The following ZNF780B variants were observed in gnomAD, a reference collection of about 807,000 sequenced individuals.
The protein encoded by ZNF780B is zinc finger protein 780B.
Under a neutral mutation model 74.1 loss-of-function variants are expected in ZNF780B, and 52 were observed. That is an observed-to-expected ratio of 0.70 (90% CI 0.56 to 0.88). ZNF780B has a LOEUF of 0.88. Ranked by LOEUF, ZNF780B falls within the 40% of genes least tolerant of loss-of-function variation. ZNF780B has a pLI of 0.00. For missense variants in ZNF780B, 953 were observed against 1,007.6 expected (o/e 0.95, Z 0.73); for synonymous variants, 315 against 324.3 (o/e 0.97, Z 0.31).
chr19:40,035,487 A>G lies in ZNF780B; in HGVS notation c.1372T>C (p.Tyr458His), dbSNP rs1326380767. The G allele has an allele frequency of 4.3e-6, 7 of 1,614,120 alleles. No homozygotes were observed. The highest frequency in any genetic ancestry group is 2.2e-5 in the East Asian group (1 of 44,874). ...RECEMAFRYH[Y>H]QLIQHCQIHT... ...ATTTGGCAATGTTGAATAAGTTGGTAATGATATCGAAAGGCCATCTCACAT... is the reference window on the plus strand; with the variant it reads ...ATTTGGCAATGTTGAATAAGTTGGTGATGATATCGAAAGGCCATCTCACAT... Residue 458 changes from tyrosine to histidine, a missense_variant, in exon 5 of 5, where the codon TAC (tyrosine) becomes CAC (histidine). Physicochemically the swap from Tyr to His is moderately conservative, Grantham distance 83. Coordinates refer to ENST00000434248, the MANE Select transcript of ZNF780B (RefSeq NM_001005851.3).
chr19:40,045,561 G>C (rs1428886225), intron 4 of ZNF780B, among the ~76,000 whole-genome samples: 1 of 152,144 alleles, frequency 6.6e-6, no homozygotes, highest in Non-Finnish European at 1.5e-5. Context: ...CAAAGGTATG[G>C]AATCAACCTA....
chr19:40,048,642 C>A, intron 3 of ZNF780B, 28 bp downstream of exon 3: 1 of 1,614,064 alleles, frequency 6.2e-7, no homozygotes, highest in Non-Finnish European at 8.5e-7. Flanking sequence ...AGAACAGATA[C>A]AAAAATAACT....
intron 2 of ZNF780B, chr19:40,049,080 A>C: frequency 2.6e-6 from 1 of 381,402 alleles, no homozygotes; most frequent in East Asian, 5.5e-5. Context: ...AAAAAGAAAG[A>C]AAGAAAGAAC....
rs1972311273 is a variant in ZNF780B at position 40,036,327 on chromosome 19, A to T, written c.532T>A (p.Ser178Thr). The T allele has an allele frequency of 6.2e-7, 1 of 1,613,892 alleles. No individual in the cohort carries two copies. Among genetic ancestry groups the T allele is most frequent in the Non-Finnish European group, 8.5e-7 (1 of 1,179,946 alleles). ...ATACTCTGATGCTGAATAAGATTTGAACCACAACTAAAGTATTTCCCACAT... is the reference window on the plus strand; with the variant it reads ...ATACTCTGATGCTGAATAAGATTTGTACCACAACTAAAGTATTTCCCACAT... ...KECGKYFSCG[S>T]NLIQHQSIHT... The change falls in exon 5 of 5, where the codon TCA becomes ACA. Residue 178 changes from serine (S) to threonine (T), a missense_variant. By Grantham distance (58) the Ser-to-Thr change is moderately conservative. Transcript: ENST00000434248.
rs1267556217 is a variant in ZNF780B at position 40,036,516 on chromosome 19, C to T, written c.343G>A (p.Ala115Thr). ...TCTGAGTCATTTCTAAAATAAAAGG[C>T]CTCGAGGCCAAGTGTTTTACTTATT... ...KQISKTLGLE[A>T]FYFRNDSEYR... The change falls in exon 5 of 5, where the codon GCC (alanine) becomes ACC (threonine). Residue 115 changes from alanine to threonine, a missense_variant. Ala to Thr is a moderately conservative substitution (Grantham distance 58). Coordinates refer to ENST00000434248, the MANE Select transcript of ZNF780B (RefSeq NM_001005851.3). 1 of 1,606,708 alleles carries T rather than the reference C, an allele frequency of 6.2e-7. No homozygotes were observed. The highest frequency in any genetic ancestry group is 8.5e-7 in the Non-Finnish European group (1 of 1,177,122).
At chr19:40,042,163 T>C (rs1393033342) in intron 4 of ZNF780B, among the ~76,000 whole-genome samples, 2 of 152,198 alleles carry the variant, frequency 1.3e-5, no homozygotes, top group Non-Finnish European at 2.9e-5. Context: ...CCTTCACTTA[T>C]GAAACTTAGT....
Position 40,034,204 on chromosome 19 carries a change from T to C in ZNF780B, c.*153A>G. On this transcript the variant is annotated 3_prime_UTR_variant, in exon 5 of 5. Coordinates refer to ENST00000434248, the MANE Select transcript of ZNF780B (RefSeq NM_001005851.3). Reference sequence around the variant, plus strand: ...TGATATGGTTTCTCACCAGTATGAATTCTCTGATGTACTCTAAGGTTTCTA... The same window carrying C: ...TGATATGGTTTCTCACCAGTATGAACTCTCTGATGTACTCTAAGGTTTCTA... The C allele has an allele frequency of 1.4e-6, 1 of 714,266 alleles. No individual in the cohort carries two copies. The highest frequency in any genetic ancestry group is 2.4e-6 in the Non-Finnish European group (1 of 414,472). 44.2% of individuals were successfully genotyped at this position (714,266 alleles called of 1,614,324 possible).
At chr19:40,038,528 C>T (rs1356762447) in intron 4 of ZNF780B, among the ~76,000 whole-genome samples, 19 of 147,862 alleles carry the variant, frequency 1.3e-4, no homozygotes, top group Middle Eastern at 3.5e-3. Context: ...TACAGTCCCA[C>T]CAACAGTGTA....
chr19:40,045,686 G>T (rs1177409732), intron 4 of ZNF780B, among the ~76,000 whole-genome samples: 1 of 152,110 alleles, frequency 6.6e-6, no homozygotes, highest in East Asian at 1.9e-4. Context: ...GGGAATCGGA[G>T]GTCAGAAAGA....
At chr19:40,047,179 TGATGAA>T in intron 4 of ZNF780B, 190 bp downstream of exon 4, 1 of 521,942 alleles carries the variant, frequency 1.9e-6, no homozygotes, top group South Asian at 2.3e-5. Context: ...GATTAGTAAA[TGATGAA>T]GTTCCTTGGG....
At chr19:40,039,897 T>G (rs1293026343) in intron 4 of ZNF780B, among the ~76,000 whole-genome samples, 1 of 151,872 alleles carries the variant, frequency 6.6e-6, no homozygotes. Context: ...TTGAATACCC[T>G]TTATTTCCTT....
intron 1 of ZNF780B, among the ~76,000 whole-genome samples, chr19:40,051,622 A>C (rs1330925443): frequency 6.6e-6 from 1 of 152,240 alleles, no homozygotes; most frequent in African/African-American, 2.4e-5. Flanking sequence ...ACTTTTAATC[A>C]TAAAAAACAA....
chr19:40,049,055 C>T (rs529320402), intron 2 of ZNF780B: 8 of 395,484 alleles, frequency 2.0e-5, no homozygotes, highest in Non-Finnish European at 1.8e-5. Flanking sequence ...GAGATGCACT[C>T]CCTGGAAAAA....
At chr19:40,036,812 G>T (rs1972350761) in intron 4 of ZNF780B, among the ~76,000 whole-genome samples, 186 bp from the exon 5 acceptor site, 1 of 151,980 alleles carries the variant, frequency 6.6e-6, no homozygotes, top group Non-Finnish European at 1.5e-5. Flanking sequence ...GGTTAACTTT[G>T]TCAAATTTAG....
At chr19:40,042,676 T>G (rs1000456325) in intron 4 of ZNF780B, among the ~76,000 whole-genome samples, 2 of 152,232 alleles carry the variant, frequency 1.3e-5, no homozygotes, top group Non-Finnish European at 2.9e-5. Flanking sequence ...TGATACCCTT[T>G]CTTCCAGTTG....
intron 1 of ZNF780B, 59 bp from the exon 2 acceptor site, chr19:40,050,436 C>T (rs889290251): frequency 2.7e-5 from 39 of 1,441,302 alleles, no homozygotes; most frequent in Admixed American, 4.0e-5. Context: ...AGCACTAGAA[C>T]GAATAAATAT....
rs1972115026 is a variant in ZNF780B at position 40,034,159 on chromosome 19, C to T, written c.*198G>A. On this transcript the variant is annotated 3_prime_UTR_variant, in exon 5 of 5. Coordinates refer to ENST00000434248, the MANE Select transcript of ZNF780B (RefSeq NM_001005851.3). ...AACAGGTTTGAACTATGACTAAAGGCTTTCCCACATTCTTCACATTGATAT... is the reference window on the plus strand; with the variant it reads ...AACAGGTTTGAACTATGACTAAAGGTTTTCCCACATTCTTCACATTGATAT... The T allele has an allele frequency of 3.1e-6, 2 of 653,150 alleles. No homozygotes were observed. Among genetic ancestry groups the T allele is most frequent in the African/African-American group, 1.8e-5 (1 of 54,944 alleles). The allele number at this position is 653,150 out of a possible 1,614,324, so 40.5% of individuals were successfully genotyped here.
At chr19:40,040,424 A>T (rs375129329) in intron 4 of ZNF780B, among the ~76,000 whole-genome samples, 1 of 152,054 alleles carries the variant, frequency 6.6e-6, no homozygotes, top group African/African-American at 2.4e-5. Context: ...GCTGGCCTCA[A>T]AAAATGAGTT....
At chr19:40,037,069 C>T (rs974731707) in intron 4 of ZNF780B, among the ~76,000 whole-genome samples, 12 of 152,016 alleles carry the variant, frequency 7.9e-5, no homozygotes, top group Non-Finnish European at 1.5e-4. Flanking sequence ...CATCTGCCAC[C>T]GTGCCTGGCT....
Sources: allele counts gnomAD v4.1 joint callset (sites outside exome capture counted in the v4.1 genomes callset), GRCh38; gene constraint gnomAD v4.1.1; transcripts MANE v1.5; gene names NCBI Gene and HGNC (gene_info 2026-07-23, HGNC 2026-07-21).